SNX27: variants seen among roughly 807,000 people sequenced by gnomAD.
SNX27 encodes sorting nexin-27.
Under a neutral mutation model 71.6 loss-of-function variants are expected in SNX27, and 22 were observed. The ratio of observed to expected loss-of-function variants is 0.31; its 90% CI spans 0.22 to 0.44. The LOEUF is 0.44. SNX27 is among the 20% of genes least tolerant of loss of function. SNX27 has a pLI of 1.00. For synonymous variants in SNX27, 269 were observed against 277.2 expected (o/e 0.97, Z 0.29); for missense variants, 531 against 698.6 (o/e 0.76, Z 2.70).
chr1:151,667,073 G>A (rs542730721), intron 6 of SNX27: 2 of 151,816 alleles, frequency 1.3e-5, no homozygotes, highest in Non-Finnish European at 2.9e-5. Flanking sequence ...GCAACATAGT[G>A]AGATTGCCAT....
intron 1 of SNX27, among the ~76,000 whole-genome samples, chr1:151,624,811 G>A (rs1301813141): frequency 6.6e-6 from 1 of 152,018 alleles, no homozygotes; most frequent in Non-Finnish European, 1.5e-5. Flanking sequence ...TGAATGACAA[G>A]TATGATTCAT....
In SNX27 at chr1:151,696,496, T is replaced by TC. The variant is rs1168373253; in HGVS notation, c.*2080dup. 7.3e-6 allele frequency: 1 copy of TC among 137,466 alleles called. No homozygotes were observed. Among genetic ancestry groups the TC allele is most frequent in the Admixed American group, 7.0e-5 (1 of 14,238 alleles). The allele number at this position is 137,466 out of a possible 1,614,324, so 8.5% of individuals were successfully genotyped here. A position where few individuals can be genotyped will look rare whatever the true frequency, so the allele number is the denominator to read the frequency against. On this transcript the variant is annotated 3_prime_UTR_variant, in exon 12 of 12. Coordinates refer to ENST00000458013, the MANE Select transcript of SNX27 (RefSeq NM_001330723.2). Reference sequence around the variant, plus strand: ...TTCTTTCTTTCTTTCTTTCTTTCTTTCTTTCTTTCGTTCTTTCGTTCTTTC... The same window carrying TC: ...TTCTTTCTTTCTTTCTTTCTTTCTTTCCTTTCTTTCGTTCTTTCGTTCTTTC...
chr1:151,656,332 A>C (rs1669692349), intron 2 of SNX27, among the ~76,000 whole-genome samples: 1 of 152,214 alleles, frequency 6.6e-6, no homozygotes, highest in Non-Finnish European at 1.5e-5. Flanking sequence ...AAATCAAATC[A>C]ATAAGAAAAG....
chr1:151,693,709 GGTGGA>G, intron 11 of SNX27: 2 of 1,606,892 alleles, frequency 1.2e-6, no homozygotes, highest in Non-Finnish European at 1.7e-6. Flanking sequence ...TTGTCTAGAG[GGTGGA>G]CATTGGCTAC....
At chr1:151,625,353 A>G (rs1667876650) in intron 1 of SNX27, among the ~76,000 whole-genome samples, 1 of 151,938 alleles carries the variant, frequency 6.6e-6, no homozygotes, top group African/African-American at 2.4e-5. Context: ...TAAAAATACA[A>G]AAATTAGTCA....
chr1:151,617,922 A>G (rs1388095523), intron 1 of SNX27, among the ~76,000 whole-genome samples: 2 of 122,648 alleles, frequency 1.6e-5, no homozygotes, highest in Non-Finnish European at 3.3e-5. Context: ...GAGTCTCACT[A>G]TGTTGCCCAG....
At chr1:151,650,506 T>C (rs533868599) in intron 2 of SNX27, among the ~76,000 whole-genome samples, 46 of 152,348 alleles carry the variant, frequency 3.0e-4, no homozygotes, top group Non-Finnish European at 6.0e-4. Context: ...CTTGCCTTTC[T>C]GGAGGTTCTA....
intron 2 of SNX27, among the ~76,000 whole-genome samples, chr1:151,647,389 A>G (rs1669097657): frequency 6.7e-6 from 1 of 148,854 alleles, no homozygotes; most frequent in Admixed American, 6.8e-5. Context: ...ACCTCAAGTG[A>G]TCTGCCCACC....
intron 1 of SNX27, among the ~76,000 whole-genome samples, chr1:151,636,666 T>TAAAAAA (rs11333472): frequency 2.1e-5 from 2 of 97,542 alleles, no homozygotes; most frequent in African/African-American, 7.5e-5. Context: ...TCCACTTTTG[T>TAAAAAA]AAAAAAAAAA....
chr1:151,656,876 T>G (rs2102674059), intron 2 of SNX27, among the ~76,000 whole-genome samples: 1 of 152,302 alleles, frequency 6.6e-6, no homozygotes, highest in South Asian at 2.1e-4. Context: ...TGAAGTATCA[T>G]TCATCTTGAT....
chr1:151,656,398 A>G (rs1488445373), intron 2 of SNX27, among the ~76,000 whole-genome samples: 1 of 152,232 alleles, frequency 6.6e-6, no homozygotes, highest in Non-Finnish European at 1.5e-5. Context: ...TTTACAAAAA[A>G]TGACACTCAC....
rs141933310 is a variant in SNX27, at chr1:151,682,906, A to G, written c.1150-450A>G. Among the ~76,000 whole-genome samples, 295 of 152,254 alleles carry G rather than the reference A, an allele frequency of 1.9e-3. 2 individuals are homozygous for G. The highest frequency in any genetic ancestry group is 6.6e-3 in the African/African-American group (276 of 41,550). ...AAAAATTAGCTGGGCGTGATGGCTC[A>G]TGCCTGTAGTCCCAGCTACTCTGGA... On this transcript the variant is annotated intron_variant, in intron 7 of 11. Transcript: ENST00000458013.
In SNX27 at chr1:151,655,236, C is replaced by T. The variant is rs1669630276; in HGVS notation, c.544-2999C>T. On this transcript the variant is annotated intron_variant, in intron 2 of 11. Coordinates refer to ENST00000458013, the MANE Select transcript of SNX27 (RefSeq NM_001330723.2). ...ACTCTAGAACCAATTTAGCTCCATT[C>T]CTAAAGCATGGTCTTTTTGAGTTCC... Among the ~76,000 whole-genome samples, 4 of 152,146 alleles carry T rather than the reference C, an allele frequency of 2.6e-5. No individual in the cohort carries two copies. In the South Asian group the frequency reaches 8.3e-4, roughly 32 times the overall value.
In SNX27 at chr1:151,694,499, C is replaced by A; in HGVS notation, c.*82C>A. 3 of 1,361,046 alleles carry A rather than the reference C, an allele frequency of 2.2e-6. No homozygotes were observed. Among genetic ancestry groups the A allele is most frequent in the African/African-American group, 1.5e-5 (1 of 66,852 alleles). 84.3% of individuals were successfully genotyped at this position (1,361,046 alleles called of 1,614,324 possible). ...CCATTTCAGACAGAGTAACCATTAA[C>A]AAAAAAGAAGAGAAAAAGTTAAAGT... On this transcript the variant is annotated 3_prime_UTR_variant, in exon 12 of 12. Coordinates refer to ENST00000458013, the MANE Select transcript of SNX27 (RefSeq NM_001330723.2).
intron 8 of SNX27, among the ~76,000 whole-genome samples, chr1:151,687,110 T>G (rs1671216377): frequency 6.6e-6 from 1 of 152,202 alleles, no homozygotes; most frequent in Non-Finnish European, 1.5e-5. Flanking sequence ...AAACAATGTT[T>G]TCTCTTCTCT....
rs201966711 is a variant in SNX27, at chr1:151,683,424, C to G, written c.1218C>G (p.Tyr406Ter). The G allele has an allele frequency of 6.2e-7, 1 of 1,613,118 alleles. No individual in the cohort carries two copies. The highest frequency in any genetic ancestry group is 1.1e-5 in the South Asian group (1 of 90,946). The change falls in exon 8 of 12, where the codon TAC becomes TAG. Residue 406 changes from tyrosine (Y) to a stop codon, truncating the protein, a stop_gained. Coordinates refer to ENST00000458013, the MANE Select transcript of SNX27 (RefSeq NM_001330723.2). LOFTEE classifies it high-confidence loss of function. ...AGTCCTATCAATTACAGAAGCTATA[C>G]GAACAAAGAAAAATGGTCATGGTAA... is the stretch of plus-strand genomic sequence containing the variant. ...EEKSYQLQKL[Y>*]EQRKMVMYLN... is the part of the protein sequence containing the mutation.
At chr1:151,618,526 T>C (rs777010786) in intron 1 of SNX27, among the ~76,000 whole-genome samples, 1 of 152,242 alleles carries the variant, frequency 6.6e-6, no homozygotes, top group Non-Finnish European at 1.5e-5. Flanking sequence ...TCTGGGTCTT[T>C]TAACTTATTG....
chr1:151,621,847 T>G (rs1416477415), intron 1 of SNX27, among the ~76,000 whole-genome samples: 1 of 152,230 alleles, frequency 6.6e-6, no homozygotes, highest in Non-Finnish European at 1.5e-5. Context: ...CTACTTATTT[T>G]GCTGATCAGT....
Position 151,612,283 on chromosome 1 carries a change from C to T in SNX27, c.82C>T (p.Leu28Phe), listed in dbSNP as rs1440759441. The T allele has an allele frequency of 2.0e-6, 3 of 1,499,046 alleles. No individual in the cohort carries two copies. Among genetic ancestry groups the T allele is most frequent in the African/African-American group, 1.4e-5 (1 of 69,522 alleles). 92.9% of individuals were successfully genotyped at this position (1,499,046 alleles called of 1,614,324 possible). A position where few individuals can be genotyped will look rare whatever the true frequency, so the allele number is the denominator to read the frequency against. Residue 28 changes from leucine (L) to phenylalanine (F), a missense_variant, in exon 1 of 12, where the codon CTC becomes TTC. Leu to Phe is a conservative substitution (Grantham distance 22). This residue lies in a region of SNX27 where 130 missense variants were observed against 143.5 expected (regional missense o/e 0.91). Transcript: ENST00000458013. This position sits in a 1 kb window ranked among gnomAD's most constrained non-coding sequence, Gnocchi z 5.2. ...GGGGGGGGSG[L>F]HCAGNGGGGG... ...TGGCGGCGGCGGCGGGGGGTCTGGG[C>T]TCCACTGCGCCGGGAACGGCGGCGG...
Sources: allele counts gnomAD v4.1 joint callset (sites outside exome capture counted in the v4.1 genomes callset), GRCh38; gene constraint gnomAD v4.1.1; regional missense constraint gnomAD v4.1.1; non-coding constraint Gnocchi (gnomAD v3.1); transcripts MANE v1.5; gene names NCBI Gene and HGNC (gene_info 2026-07-23, HGNC 2026-07-21).